Variants in MTHFD1 observed in about 807,000 individuals in gnomAD.
MTHFD1 encodes the protein methylenetetrahydrofolate dehydrogenase, cyclohydrolase and formyltetrahydrofolate synthetase 1, also known as C-1-tetrahydrofolate synthase, cytoplasmic.
A neutral mutation model predicts 110.3 loss-of-function variants in MTHFD1; 44 were observed. The ratio of observed to expected loss-of-function variants is 0.40; its 90% confidence interval spans 0.31 to 0.51. The LOEUF is 0.51. MTHFD1 is among the 20% of genes least tolerant of loss of function. The pLI, the probability that MTHFD1 is intolerant of heterozygous loss-of-function variation, is 0.60. For synonymous variants in MTHFD1, 402 were observed against 428.8 expected, an observed-to-expected ratio of 0.94 and a Z score of 0.77; for missense variants, 909 against 1,173.1, an observed-to-expected ratio of 0.77 and a Z score of 3.29.
At chr14:64,431,199 G>C (rs2078156965) in intron 13 of MTHFD1, among the ~76,000 whole-genome samples, 1 of 151,492 alleles carries the variant, frequency 6.6e-6, no homozygotes, top group Non-Finnish European at 1.5e-5. Context: ...CCAAGTAGCT[G>C]GGATTACAGG....
chr14:64,457,694 G>A (rs2078497955), intron 26 of MTHFD1, among the ~76,000 whole-genome samples: 1 of 152,100 alleles, frequency 6.6e-6, no homozygotes, highest in African/African-American at 2.4e-5. Flanking sequence ...GACCTCAGGT[G>A]ATCCATCTGC....
At chr14:64,398,815 G>GT (rs2077876302) in intron 1 of MTHFD1, among the ~76,000 whole-genome samples, 1 of 152,190 alleles carries the variant, frequency 6.6e-6, no homozygotes, top group Non-Finnish European at 1.5e-5. Flanking sequence ...GCATGTTCAA[G>GT]TTGAACATTG....
intron 26 of MTHFD1, among the ~76,000 whole-genome samples, chr14:64,455,972 C>T (rs935934574): frequency 2.0e-5 from 3 of 152,196 alleles, no homozygotes; most frequent in Non-Finnish European, 4.4e-5. Context: ...GTAGAAATCC[C>T]TTGTGGTAGG....
At chr14:64,451,845 A>G (rs1206990631) in intron 24 of MTHFD1, among the ~76,000 whole-genome samples, 1 of 152,222 alleles carries the variant, frequency 6.6e-6, no homozygotes, top group Admixed American at 6.5e-5. Context: ...AGCTCCAGTT[A>G]TGAGATGCAT....
intron 1 of MTHFD1, 68 bp downstream of exon 1, chr14:64,388,536 C>T (rs1370848904): frequency 2.0e-6 from 3 of 1,478,918 alleles, no homozygotes; most frequent in Non-Finnish European, 1.9e-6. Flanking sequence ...GCAGGTCCCC[C>T]GGACCCATTT....
intron 3 of MTHFD1, among the ~76,000 whole-genome samples, chr14:64,411,421 TGCCAAAATTAA>T (rs1462703845): frequency 6.6e-6 from 1 of 152,208 alleles, no homozygotes; most frequent in Non-Finnish European, 1.5e-5. Flanking sequence ...GAGATTTATT[TGCCAAAATTAA>T]GGACACACCT....
intron 9 of MTHFD1, 108 bp from the exon 10 acceptor site, chr14:64,425,622 C>A: frequency 1.1e-6 from 1 of 913,132 alleles, no homozygotes; most frequent in South Asian, 1.3e-5. Context: ...ATAAGTGGGT[C>A]TGAAGCAGTT....
At chr14:64,445,027 T>C in intron 22 of MTHFD1, 1 of 432,278 alleles carries the variant, frequency 2.3e-6, no homozygotes, top group Non-Finnish European at 4.3e-6. Flanking sequence ...CTAGAGACTT[T>C]TTTTATTATT....
intron 2 of MTHFD1, among the ~76,000 whole-genome samples, chr14:64,402,362 A>G (rs2077904242): frequency 6.6e-6 from 1 of 152,256 alleles, no homozygotes; most frequent in Admixed American, 6.5e-5. Flanking sequence ...GTTTTCAAGT[A>G]TTGAGAAGCT....
intron 4 of MTHFD1, among the ~76,000 whole-genome samples, chr14:64,415,124 C>T (rs1373542638): frequency 6.6e-6 from 1 of 152,196 alleles, no homozygotes; most frequent in Admixed American, 6.5e-5. Context: ...CATGAGACAC[C>T]TCGCCCAGCC....
At chr14:64,408,568 C>A (rs376249088) in intron 2 of MTHFD1, among the ~76,000 whole-genome samples, 21 of 152,304 alleles carry the variant, frequency 1.4e-4, no homozygotes, top group African/African-American at 5.1e-4. Context: ...GGATTACAGG[C>A]GTGAGCCACC....
intron 9 of MTHFD1, 100 bp from the exon 10 acceptor site, chr14:64,425,630 G>A: frequency 1.0e-6 from 1 of 982,308 alleles, no homozygotes; most frequent in South Asian, 1.3e-5. Flanking sequence ...GTCTGAAGCA[G>A]TTCATTTTGT....
Position 64,425,676 on chromosome 14 carries a change from G to A in MTHFD1, c.856-54G>A, listed in dbSNP as rs544278206. The A allele has an allele frequency of 7.7e-6, 11 of 1,430,386 alleles. 1 individual carries two copies. In the African/African-American group the frequency reaches 9.8e-5, roughly 13 times the overall value. The allele number at this position is 1,430,386 out of a possible 1,614,324, so 88.6% of individuals were successfully genotyped here. A position where few individuals can be genotyped will look rare whatever the true frequency, so the allele number is the denominator to read the frequency against. On this transcript the variant is annotated intron_variant, in intron 9 of 27. Coordinates refer to ENST00000652337, the MANE Select transcript of MTHFD1 (RefSeq NM_005956.4). Reference sequence around the variant, plus strand: ...GAGTGACCTGGAGCTTGAAACTGAGGTGAGGATTAAAATAACCACCTCTTC... The same window carrying A: ...GAGTGACCTGGAGCTTGAAACTGAGATGAGGATTAAAATAACCACCTCTTC...
chr14:64,426,755 C>T (rs1363147184), intron 11 of MTHFD1, among the ~76,000 whole-genome samples: 3 of 152,132 alleles, frequency 2.0e-5, no homozygotes, highest in Admixed American at 2.0e-4. Flanking sequence ...AGGCGTGAGC[C>T]ACCACACCCG....
chr14:64,413,837 T>A (rs1296887936), intron 4 of MTHFD1, among the ~76,000 whole-genome samples: 1 of 152,162 alleles, frequency 6.6e-6, no homozygotes, highest in East Asian at 1.9e-4. Flanking sequence ...TTTTATTGTA[T>A]TGTATTTTTA....
intron 23 of MTHFD1, 37 bp downstream of exon 23, chr14:64,448,354 A>G: frequency 1.4e-6 from 2 of 1,463,616 alleles, no homozygotes; most frequent in Non-Finnish European, 1.9e-6. Context: ...ATGAATGTGG[A>G]AAATCTCCTG....
intron 16 of MTHFD1, among the ~76,000 whole-genome samples, chr14:64,438,092 C>T (rs1351967426): frequency 2.0e-5 from 3 of 152,162 alleles, no homozygotes; most frequent in African/African-American, 4.8e-5. Flanking sequence ...AGGCTGGCCT[C>T]GAACTTTTGA....
chr14:64,405,762 A>G (rs897533892), intron 2 of MTHFD1, among the ~76,000 whole-genome samples: 1 of 152,088 alleles, frequency 6.6e-6, no homozygotes, highest in African/African-American at 2.4e-5. Flanking sequence ...CCTGACTGCA[A>G]TTGCAATCCT....
chr14:64,433,121 GTTGT>G (rs1018920259), intron 15 of MTHFD1, among the ~76,000 whole-genome samples: 6 of 151,598 alleles, frequency 4.0e-5, no homozygotes, highest in South Asian at 2.1e-4. Flanking sequence ...TTATTGGTTG[GTTGT>G]TTGTTTGTTT....
Sources: allele counts gnomAD v4.1 joint callset (sites outside exome capture counted in the v4.1 genomes callset), GRCh38; gene constraint gnomAD v4.1.1; transcripts MANE v1.5; gene names NCBI Gene and HGNC (gene_info 2026-07-23, HGNC 2026-07-21).